DISP1: variants seen among roughly 807,000 people sequenced by gnomAD.
DISP1 encodes the protein dispatched RND transporter family member 1.
In DISP1, 30 loss-of-function variants were observed where a neutral mutation model predicts 37.3. The observed-to-expected ratio is 0.80, with a 90% CI of 0.60 to 1.09. DISP1 has a LOEUF of 1.09. DISP1 is among the 50% of genes least tolerant of loss of function. The probability of loss-of-function intolerance (pLI) is 0.00; values close to 1 mark genes in which losing one functional copy is unlikely to be tolerated. For synonymous variants in DISP1, 634 were observed against 690.2 expected, an observed-to-expected ratio of 0.92 and a Z score of 1.28; for missense variants, 1,598 against 1,879.5, an observed-to-expected ratio of 0.85 and a Z score of 2.77.
intron 1 of DISP1, among the ~76,000 whole-genome samples, chr1:222,892,274 T>C (rs1295218708): frequency 6.6e-6 from 1 of 152,156 alleles, no homozygotes; most frequent in Non-Finnish European, 1.5e-5. Flanking sequence ...AAGGTTAAGA[T>C]GGCTATTTCT....
intron 5 of DISP1, 82 bp from the exon 6 acceptor site, chr1:222,991,438 A>G: frequency 6.4e-6 from 10 of 1,554,628 alleles, no homozygotes; most frequent in Non-Finnish European, 8.9e-6. Context: ...TATCACTTTG[A>G]CATTGCTTTC....
At chr1:222,857,292 G>A (rs774962942) in intron 1 of DISP1, among the ~76,000 whole-genome samples, 1 of 151,988 alleles carries the variant, frequency 6.6e-6, no homozygotes, top group Non-Finnish European at 1.5e-5. Flanking sequence ...GAAAAAAACT[G>A]TGATATAGAA....
intron 3 of DISP1, among the ~76,000 whole-genome samples, chr1:222,961,778 C>T (rs1454728257): frequency 2.0e-5 from 3 of 152,010 alleles, no homozygotes; most frequent in African/African-American, 2.4e-5. Context: ...GAGGCCGAGG[C>T]GGGTGGATCA....
At chr1:222,948,352 A>G (rs542446759) in intron 3 of DISP1, among the ~76,000 whole-genome samples, 2 of 152,336 alleles carry the variant, frequency 1.3e-5, no homozygotes, top group East Asian at 3.9e-4. Context: ...GTGAGATGCT[A>G]TCTCGTCCTT....
chr1:222,885,469 C>CTTTTTT (rs759594613), intron 1 of DISP1, among the ~76,000 whole-genome samples: 1 of 132,860 alleles, frequency 7.5e-6, no homozygotes. Flanking sequence ...GATTTCTTTT[C>CTTTTTT]TTTTTTTTTT....
chr1:222,915,876 C>T (rs1358892849), intron 1 of DISP1, among the ~76,000 whole-genome samples: 1 of 152,152 alleles, frequency 6.6e-6, no homozygotes, highest in African/African-American at 2.4e-5. Flanking sequence ...TGTACGCTTA[C>T]TTTTTGTTGT....
chr1:222,820,490 G>A (rs1662573021), intron 1 of DISP1, among the ~76,000 whole-genome samples: 1 of 152,154 alleles, frequency 6.6e-6, no homozygotes, highest in South Asian at 2.1e-4. Context: ...GAAAAGCATG[G>A]TGCTTTTGGA....
chr1:222,894,385 G>T (rs905589014), intron 1 of DISP1, among the ~76,000 whole-genome samples: 2 of 152,204 alleles, frequency 1.3e-5, no homozygotes, highest in African/African-American at 4.8e-5. Flanking sequence ...GCCCCCTCGG[G>T]CTCCCTCCCA....
chr1:222,948,855 A>G (rs1447647141), intron 3 of DISP1, among the ~76,000 whole-genome samples: 3 of 152,158 alleles, frequency 2.0e-5, no homozygotes, highest in African/African-American at 7.2e-5. Flanking sequence ...TTTGTATTTG[A>G]AAGTGTTTTC....
intron 1 of DISP1, among the ~76,000 whole-genome samples, chr1:222,857,147 G>A (rs929922037): frequency 6.6e-6 from 1 of 152,122 alleles, no homozygotes; most frequent in Non-Finnish European, 1.5e-5. Context: ...ATTTCAGCTA[G>A]TCAGGAGGCT....
At chr1:222,816,097 AT>A (rs1248660803) in intron 1 of DISP1, among the ~76,000 whole-genome samples, 3 of 147,220 alleles carry the variant, frequency 2.0e-5, no homozygotes, top group East Asian at 3.9e-4. Flanking sequence ...ATATATATAT[AT>A]ATATAAATAT....
At chr1:222,818,251 A>G (rs1661736821) in intron 1 of DISP1, among the ~76,000 whole-genome samples, 1 of 152,170 alleles carries the variant, frequency 6.6e-6, no homozygotes, top group African/African-American at 2.4e-5. Context: ...TGAGGTTTAG[A>G]ATTGCCAGCT....
intron 1 of DISP1, among the ~76,000 whole-genome samples, chr1:222,854,030 G>A (rs553782168): frequency 1.7e-4 from 26 of 152,210 alleles, no homozygotes; most frequent in African/African-American, 5.1e-4. Flanking sequence ...CAATTAACAA[G>A]CTCTCATCAA....
intron 1 of DISP1, among the ~76,000 whole-genome samples, chr1:222,829,225 A>G (rs1665148884): frequency 6.6e-6 from 1 of 152,228 alleles, no homozygotes; most frequent in South Asian, 2.1e-4. Context: ...TAAGATAAAC[A>G]AGAACCAAGG....
At chr1:222,911,655 G>A (rs1672215355) in intron 1 of DISP1, among the ~76,000 whole-genome samples, 1 of 152,004 alleles carries the variant, frequency 6.6e-6, no homozygotes, top group East Asian at 1.9e-4. Context: ...AAATAGCTGA[G>A]CCTATAAGTG....
chr1:223,002,412 C>T lies in DISP1; in HGVS notation c.1015C>T (p.Leu339Phe), dbSNP rs149888817. 3.1e-6 allele frequency: 5 copies of T among 1,613,986 alleles called. No homozygotes were observed. The African/African-American group carries it at 6.7e-5, about 22-fold the overall frequency. ...RIRSHPQFGD[L>F]CQRTTAASCC... ...CAGATCTCATCCCCAGTTTGGTGAT[C>T]TCTGCCAGAGGACCACTGCTGCCTC... is the stretch of plus-strand genomic sequence containing the variant. The change falls in exon 9 of 9, where the codon CTC (leucine) becomes TTC (phenylalanine). Residue 339 changes from leucine (L) to phenylalanine (F), a missense_variant. Physicochemically the swap from Leu to Phe is conservative, Grantham distance 22. Coordinates refer to ENST00000675850, the MANE Select transcript of DISP1 (RefSeq NM_001377229.1).
chr1:222,816,779 T>A (rs1036450046), intron 1 of DISP1, among the ~76,000 whole-genome samples: 3 of 152,216 alleles, frequency 2.0e-5, no homozygotes, highest in Admixed American at 6.5e-5. Flanking sequence ...TTGAATAAGT[T>A]TTCAAATTAC....
intron 1 of DISP1, among the ~76,000 whole-genome samples, chr1:222,841,105 G>A (rs973869819): frequency 1.3e-5 from 2 of 152,112 alleles, no homozygotes; most frequent in African/African-American, 2.4e-5. Context: ...TTGAAAGAAT[G>A]AATTAATGAC....
Position 223,003,899 on chromosome 1 carries a change from G to A in DISP1, c.2502G>A (p.Leu834=), listed in dbSNP as rs1679676844. The part of the protein sequence containing the change: ...QAWILHFCQK[L]RNQTFFYQTD... ...GGATTTTGCACTTCTGTCAAAAACTGAGAAACCAAACATTCTTTTACCAGA... is the reference window on the plus strand; with the variant it reads ...GGATTTTGCACTTCTGTCAAAAACTAAGAAACCAAACATTCTTTTACCAGA... The change falls in exon 9 of 9, where the codon CTG becomes CTA. Residue 834 remains leucine (L), a synonymous_variant. Transcript: ENST00000675850. The surrounding 1 kb of genome is among the most constrained non-coding windows in gnomAD (Gnocchi z 4.3). The A allele has an allele frequency of 1.2e-6, 2 of 1,614,130 alleles. No homozygotes were observed. The highest frequency in any genetic ancestry group is 4.5e-5 in the East Asian group (2 of 44,878).
Sources: allele counts gnomAD v4.1 joint callset (sites outside exome capture counted in the v4.1 genomes callset), GRCh38; gene constraint gnomAD v4.1.1; non-coding constraint Gnocchi (gnomAD v3.1); transcripts MANE v1.5; gene names NCBI Gene and HGNC (gene_info 2026-07-23, HGNC 2026-07-21).